The following SHC2 variants were observed in gnomAD, a reference collection of about 807,000 sequenced individuals.
The protein encoded by SHC2 is SHC adaptor protein 2, also known as SHC-transforming protein 2.
Under a neutral mutation model 60.6 loss-of-function variants are expected in SHC2, and 62 were observed. The ratio of observed to expected loss-of-function variants is 1.02; its 90% CI spans 0.83 to 1.26. The LOEUF (loss-of-function observed/expected upper bound fraction) is 1.26, where lower values mean the gene tolerates loss of function less well. SHC2 is among the 50% of genes most tolerant of loss of function. The probability of loss-of-function intolerance (pLI) is 0.00; values close to 1 mark genes in which losing one functional copy is unlikely to be tolerated. For synonymous variants in SHC2, 375 were observed against 372.4 expected (o/e 1.01, Z -0.08); for missense variants, 873 against 822.2 (o/e 1.06, Z -0.76).
At chr19:460,469 G>T in intron 1 of SHC2, 60 bp downstream of exon 1, 1 of 914,738 alleles carries the variant, frequency 1.1e-6, no homozygotes, top group Non-Finnish European at 1.4e-6. Flanking sequence ...TCCCGGAGGA[G>T]AGGGTGGGGG....
Position 436,410 on chromosome 19 carries a change from A to T in SHC2, c.796T>A (p.Tyr266Asn). The change falls in exon 6 of 13, where the codon TAC becomes AAC. Residue 266 changes from tyrosine to asparagine, a missense_variant. Transcript: ENST00000264554. ...TGGTTGATGGGGTCCTTGGCGACGT[A>T]GGCCACGTAATCCGTCATGTCCTGG... ...GDTDMTDYVA[Y>N]VAKDPINQRA... 1.3e-6 allele frequency: 2 copies of T among 1,596,036 alleles called. No individual in the cohort carries two copies. The highest frequency in any genetic ancestry group is 1.7e-6 in the Non-Finnish European group (2 of 1,169,270).
Position 416,705 on chromosome 19 carries a change from C to G in SHC2, c.*623G>C, listed in dbSNP as rs1436392043. ...GGGCGCAGCCCAGGCCAGGCAACCA[C>G]GTCCTTCCCCTGCTCCCAGGTGGAG... On this transcript the variant is annotated 3_prime_UTR_variant, in exon 13 of 13. Coordinates refer to ENST00000264554, the MANE Select transcript of SHC2 (RefSeq NM_012435.3). The G allele has an allele frequency of 1.3e-5, 2 of 152,264 alleles. No homozygotes were observed. The highest frequency in any genetic ancestry group is 4.8e-5 in the African/African-American group (2 of 41,452). The allele number at this position is 152,264 out of a possible 1,614,324, so 9.4% of individuals were successfully genotyped here.
intron 8 of SHC2, among the ~76,000 whole-genome samples, chr19:434,397 C>T (rs1269314716): frequency 1.5e-3 from 2 of 1,334 alleles, no homozygotes; most frequent in African/African-American, 8.3e-3. Context: ...TGAGTGAGAT[C>T]GTGAGTCTGT....
rs764966816 is a variant in SHC2 at position 460,512 on chromosome 19, G to C, written c.468+17C>G. 8.1e-7 allele frequency: 1 copy of C among 1,241,010 alleles called. No individual in the cohort carries two copies. Among genetic ancestry groups the C allele is most frequent in the Non-Finnish European group, 1.0e-6 (1 of 977,122 alleles). The allele number at this position is 1,241,010 out of a possible 1,614,324, so 76.9% of individuals were successfully genotyped here. ...GCCGCCGCGAACGGGCTCCCGGGGG[G>C]GGTGGGGGGGACTCACCCGCACGAC... is the stretch of plus-strand genomic sequence containing the variant. On this transcript the variant is annotated intron_variant, in intron 1 of 12. Transcript: ENST00000264554.
Position 425,411 on chromosome 19 carries a change from C to T in SHC2, c.1175-180G>A, listed in dbSNP as rs564597650. Among the ~76,000 whole-genome samples, 2 of 152,324 alleles carry T rather than the reference C, an allele frequency of 1.3e-5. No individual in the cohort carries two copies. The highest frequency in any genetic ancestry group is 2.9e-5 in the Non-Finnish European group (2 of 68,024). On this transcript the variant is annotated intron_variant, in intron 9 of 12. Transcript: ENST00000264554. The surrounding 1 kb of genome is among the most constrained non-coding windows in gnomAD (Gnocchi z 4.1). ...CGTCTGCAGGTGCCACAGGGAGCATCTTACAGCAGCAAAGCCCCGTCGGGG... is the reference window on the plus strand; with the variant it reads ...CGTCTGCAGGTGCCACAGGGAGCATTTTACAGCAGCAAAGCCCCGTCGGGG...
chr19:428,061 C>T (rs1027459468), intron 9 of SHC2, among the ~76,000 whole-genome samples: 48 of 152,146 alleles, frequency 3.2e-4, no homozygotes, highest in Admixed American at 5.2e-4. Flanking sequence ...ACCTCACCTC[C>T]ACACAATTTA....
intron 9 of SHC2, among the ~76,000 whole-genome samples, chr19:427,037 G>C (rs564728092): frequency 1.3e-5 from 2 of 152,208 alleles, no homozygotes. Context: ...GCGAGCCCCC[G>C]GTCCGGGGTG....
chr19:436,723 C>T, intron 4 of SHC2, 40 bp from the exon 5 acceptor site: 1 of 1,582,960 alleles, frequency 6.3e-7, no homozygotes, highest in Non-Finnish European at 8.5e-7. Context: ...GGGGGCCCCG[C>T]TTCGAGGGCA....
intron 12 of SHC2, among the ~76,000 whole-genome samples, chr19:417,847 T>C (rs918694458): frequency 2.6e-5 from 4 of 151,988 alleles, no homozygotes; most frequent in Non-Finnish European, 2.9e-5. Context: ...CGCGGCCGCA[T>C]AGGGGAGGGG....
Position 436,583 on chromosome 19 carries a change from G to A in SHC2, c.774+47C>T, listed in dbSNP as rs367944049. On this transcript the variant is annotated intron_variant, in intron 5 of 12. Transcript: ENST00000264554. ...GGAAGGATGAGAGGGTCTCGCGGCC[G>A]GAGGGGGGCGGCAGGGCTGCAGGTC... The A allele has an allele frequency of 1.0e-4, 159 of 1,591,356 alleles. No individual in the cohort carries two copies. The African/African-American group carries it at 1.3e-3, about 13-fold the overall frequency.
intron 7 of SHC2, 48 bp downstream of exon 7, chr19:436,117 A>G: frequency 1.9e-6 from 3 of 1,595,752 alleles, no homozygotes; most frequent in Non-Finnish European, 2.6e-6. Flanking sequence ...GCACCTGGGC[A>G]GGTCACTGGG....
intron 8 of SHC2, among the ~76,000 whole-genome samples, chr19:434,454 TAGTGAGCAAGTG>T (rs1298098047): frequency 0.024 from 124 of 5,190 alleles, no homozygotes; most frequent in African/African-American, 0.077. Context: ...GTCTGTGAGA[TAGTGAGCAAGTG>T]AGTGAGATCG....
chr19:460,016 T>C (rs376083347), intron 1 of SHC2, among the ~76,000 whole-genome samples: 121 of 152,306 alleles, frequency 7.9e-4, no homozygotes, highest in Middle Eastern at 3.4e-3. Context: ...TCATTTATCA[T>C]AAGACCCAAG....
At position 460,751 on chromosome 19, in the gene SHC2, G is replaced by A. The variant is rs1185469014; in HGVS notation, c.246C>T (p.Ala82=). 6.1e-6 allele frequency: 6 copies of A among 979,964 alleles called. No individual in the cohort carries two copies. The highest frequency in any genetic ancestry group is 7.2e-6 in the Non-Finnish European group (6 of 827,968). 60.7% of individuals were successfully genotyped at this position (979,964 alleles called of 1,614,324 possible). A position where few individuals can be genotyped will look rare whatever the true frequency, so the allele number is the denominator to read the frequency against. Residue 82 remains alanine (A), a synonymous_variant, in exon 1 of 13, where the codon GCC becomes GCT. Transcript: ENST00000264554. ...VPALAAAVLG[A]CEPRCAAPCP... ...AGGGCGCGGCGCAGCGGGGCTCGCA[G>A]GCGCCCAGGACGGCGGCCGCCAGCG... is the stretch of plus-strand genomic sequence containing the variant.
In SHC2 at chr19:422,361, G is replaced by A. The variant is rs755935631; in HGVS notation, c.1405C>T (p.Pro469Ser). 3 of 1,605,212 alleles carry A rather than the reference G, an allele frequency of 1.9e-6. No homozygotes were observed. The highest frequency in any genetic ancestry group is 2.3e-5 in the East Asian group (1 of 44,410). ...LPLEDQWPSP[P>S]TRRAPVAPTE... The stretch of plus-strand genomic sequence containing the variant: ...GGGGCCACAGGGGCCCGGCGGGTAG[G>A]GGGGCTGGGCCACTGGTCCTCCAAG... Residue 469 changes from proline (P) to serine (S), a missense_variant, in exon 11 of 13, where the codon CCT becomes TCT. Transcript: ENST00000264554. This position sits in a 1 kb window ranked among gnomAD's most constrained non-coding sequence, Gnocchi z 5.0.
At chr19:459,586 T>C (rs1400578627) in intron 1 of SHC2, among the ~76,000 whole-genome samples, 640 of 104,946 alleles carry the variant, frequency 6.1e-3, no homozygotes, top group Middle Eastern at 0.016. Flanking sequence ...CCCACTGAAC[T>C]CAGCGTAGGG....
chr19:419,176 G>A (rs567300136), intron 11 of SHC2, 120 bp from the exon 12 acceptor site: 55 of 1,155,678 alleles, frequency 4.8e-5, no homozygotes, highest in Middle Eastern at 3.0e-4. Flanking sequence ...ACGAGGGGCC[G>A]GACCAGGGAA....
At chr19:426,142 C>T (rs890312823) in intron 9 of SHC2, among the ~76,000 whole-genome samples, 2 of 152,290 alleles carry the variant, frequency 1.3e-5, no homozygotes, top group Middle Eastern at 3.4e-3. Flanking sequence ...CTGCCAGGTC[C>T]TGACCAGACT....
chr19:434,416 TAGTG>T (rs753247731), intron 8 of SHC2, among the ~76,000 whole-genome samples: 51 of 7,452 alleles, frequency 6.8e-3, no homozygotes, highest in South Asian at 0.038. Flanking sequence ...GTGAGTGAGA[TAGTG>T]AGTGAGACTG....
Sources: gnomAD v4.1 joint callset for allele counts (sites outside exome capture counted in the v4.1 genomes callset) on GRCh38, gnomAD v4.1.1 for gene constraint, Gnocchi (gnomAD v3.1) non-coding constraint, MANE v1.5 for transcripts, NCBI Gene and HGNC (gene_info 2026-07-23, HGNC 2026-07-21) for gene names.